RARRES1: variants seen among roughly 807,000 people sequenced by gnomAD.
RARRES1 encodes retinoic acid receptor responder 1.
A neutral mutation model predicts 30.6 loss-of-function variants in RARRES1; 34 were observed. That is an observed-to-expected ratio of 1.11 (90% confidence interval 0.84 to 1.48). The LOEUF is 1.48. Among genes scored for constraint, RARRES1 ranks in the 40% most tolerant of loss-of-function variants. RARRES1 has a pLI of 0.00. For missense variants in RARRES1, 373 were observed against 386.5 expected, an observed-to-expected ratio of 0.97 and a Z score of 0.29; for synonymous variants, 153 against 155.5, an observed-to-expected ratio of 0.98 and a Z score of 0.12.
chr3:158,731,973 A>T (rs1727904205), intron 1 of RARRES1, among the ~76,000 whole-genome samples, 167 bp downstream of exon 1: 2 of 152,142 alleles, frequency 1.3e-5, no homozygotes, highest in Non-Finnish European at 2.9e-5. Flanking sequence ...GCCCTGGGAT[A>T]CTTCAGGGGC....
chr3:158,717,930 A>G (rs917897910), intron 1 of RARRES1, among the ~76,000 whole-genome samples: 1 of 152,106 alleles, frequency 6.6e-6, no homozygotes, highest in Non-Finnish European at 1.5e-5. Context: ...AAAAATAAGC[A>G]GGTAATTCAA....
chr3:158,713,075 C>T (rs1361332115), intron 2 of RARRES1, among the ~76,000 whole-genome samples: 2 of 152,072 alleles, frequency 1.3e-5, no homozygotes, highest in Non-Finnish European at 1.5e-5. Flanking sequence ...CTTCAACTCC[C>T]GAAACTCTGC....
intron 1 of RARRES1, among the ~76,000 whole-genome samples, chr3:158,719,168 C>G (rs1275580986): frequency 1.3e-5 from 2 of 151,976 alleles, no homozygotes; most frequent in African/African-American, 4.8e-5. Context: ...TAGCTCTTCA[C>G]TGTAGATTTT....
chr3:158,699,317 T>C (rs1312056668), intron 4 of RARRES1, among the ~76,000 whole-genome samples: 1 of 152,162 alleles, frequency 6.6e-6, no homozygotes, highest in African/African-American at 2.4e-5. Context: ...AAAGTCACTT[T>C]CTTCGTACCA....
chr3:158,719,857 A>G (rs976389643), intron 1 of RARRES1, among the ~76,000 whole-genome samples: 1 of 152,180 alleles, frequency 6.6e-6, no homozygotes, highest in African/African-American at 2.4e-5. Flanking sequence ...GTTTTGGTAA[A>G]TGATCCTCAA....
intron 1 of RARRES1, among the ~76,000 whole-genome samples, chr3:158,728,772 C>G (rs148190289): frequency 0.012 from 1,773 of 152,150 alleles, 37 homozygotes; most frequent in African/African-American, 0.041. Flanking sequence ...GATCTGCTTG[C>G]CTCAACCTCC....
intron 2 of RARRES1, among the ~76,000 whole-genome samples, chr3:158,712,622 G>A (rs1289563796): frequency 6.7e-6 from 1 of 150,160 alleles, no homozygotes; most frequent in African/African-American, 2.5e-5. Flanking sequence ...AGGGCAGAAG[G>A]AACCTAGTAC....
intron 1 of RARRES1, among the ~76,000 whole-genome samples, chr3:158,718,680 G>A (rs1727402928): frequency 6.6e-6 from 1 of 152,160 alleles, no homozygotes; most frequent in South Asian, 2.1e-4. Flanking sequence ...GGAGGTCTGT[G>A]AAGAAACTGA....
intron 1 of RARRES1, among the ~76,000 whole-genome samples, chr3:158,730,371 CCTTCCTTCCT>C (rs1559876988): frequency 0.023 from 1,236 of 53,670 alleles, 39 homozygotes; most frequent in African/African-American, 0.089. Flanking sequence ...GTTGCTCCTT[CCTTCCTTCCT>C]TCCTTCCTTC....
At chr3:158,728,196 T>C (rs1727750229) in intron 1 of RARRES1, among the ~76,000 whole-genome samples, 1 of 148,888 alleles carries the variant, frequency 6.7e-6, no homozygotes, top group Admixed American at 6.7e-5. Context: ...GTTTGTAGTC[T>C]ATACTATTTC....
Position 158,730,434 on chromosome 3 carries a change from C to CT in RARRES1, c.276+1705dup, listed in dbSNP as rs937447236. Among the ~76,000 whole-genome samples the CT allele has an allele frequency of 2.3e-5, 3 of 132,818 alleles. No individual in the cohort carries two copies. In the Admixed American group the frequency reaches 2.3e-4, roughly 10 times the overall value. The allele number at this position is 132,818 out of a possible 152,430, so 87.1% of individuals were successfully genotyped here. A position where few individuals can be genotyped will look rare whatever the true frequency, so the allele number is the denominator to read the frequency against. ...TTCCTTCCTCTCTCTCTTTCTCTCTCTTTTTTTTCCCCATAGGGTCTCACT... is the reference window on the plus strand; with the variant it reads ...TTCCTTCCTCTCTCTCTTTCTCTCTCTTTTTTTTTCCCCATAGGGTCTCACT... On this transcript the variant is annotated intron_variant, in intron 1 of 5. Transcript: ENST00000237696.
At chr3:158,699,404 A>T (rs375100963) in intron 4 of RARRES1, among the ~76,000 whole-genome samples, 1 of 151,116 alleles carries the variant, frequency 6.6e-6, no homozygotes, top group Non-Finnish European at 1.5e-5. Flanking sequence ...CCAGGTTTCT[A>T]TTAAGAATAC....
intron 1 of RARRES1, among the ~76,000 whole-genome samples, chr3:158,717,402 G>A (rs932699579): frequency 3.3e-5 from 5 of 152,198 alleles, no homozygotes; most frequent in African/African-American, 1.2e-4. Context: ...CTAGAGAATT[G>A]GTCTAGTCTA....
chr3:158,701,798 G>T (rs1459908737), intron 4 of RARRES1, among the ~76,000 whole-genome samples: 1 of 152,168 alleles, frequency 6.6e-6, no homozygotes, highest in African/African-American at 2.4e-5. Flanking sequence ...TGAAATGCGT[G>T]TCAGCCTTGA....
chr3:158,712,799 A>G (rs1023600767), intron 2 of RARRES1, among the ~76,000 whole-genome samples: 7 of 152,244 alleles, frequency 4.6e-5, no homozygotes, highest in African/African-American at 7.2e-5. Flanking sequence ...GAAGGTTTCA[A>G]TTAGCTCACT....
chr3:158,716,249 AAGT>A (rs1727318311), intron 1 of RARRES1, among the ~76,000 whole-genome samples: 1 of 152,168 alleles, frequency 6.6e-6, no homozygotes, highest in South Asian at 2.1e-4. Flanking sequence ...AGGGTTATAG[AAGT>A]AGGATCAGCA....
In RARRES1 at chr3:158,732,440, C is replaced by T. The variant is rs749793759; in HGVS notation, c.-25G>A. The T allele has an allele frequency of 1.1e-5, 17 of 1,517,286 alleles. 1 individual carries two copies. In the South Asian group the frequency reaches 1.3e-4, roughly 12 times the overall value. The allele number at this position is 1,517,286 out of a possible 1,614,324, so 94.0% of individuals were successfully genotyped here. On this transcript the variant is annotated 5_prime_UTR_variant, in exon 1 of 6. In the 5' UTR this introduces an upstream ATG that the reference lacks. Coordinates refer to ENST00000237696, the MANE Select transcript of RARRES1 (RefSeq NM_206963.2). ...TGGACGCAGGAAAGTTGGCTCGGCACCCGACAGACACGGGCTCGGAGCGGG... is the reference window on the plus strand; with the variant it reads ...TGGACGCAGGAAAGTTGGCTCGGCATCCGACAGACACGGGCTCGGAGCGGG...
chr3:158,699,443 C>CG (rs1265712830), intron 4 of RARRES1, among the ~76,000 whole-genome samples: 1 of 150,794 alleles, frequency 6.6e-6, no homozygotes, highest in Non-Finnish European at 1.5e-5. Flanking sequence ...AACCCCCCCC[C>CG]CACCAAAAAA....
At chr3:158,728,030 G>A (rs1002934705) in intron 1 of RARRES1, among the ~76,000 whole-genome samples, 1 of 152,176 alleles carries the variant, frequency 6.6e-6, no homozygotes, top group Non-Finnish European at 1.5e-5. Context: ...GCGAGAAGAG[G>A]TCTTAAACAT....
Sources: gnomAD v4.1 joint callset for allele counts (sites outside exome capture counted in the v4.1 genomes callset) on GRCh38, gnomAD v4.1.1 for gene constraint, MANE v1.5 for transcripts, NCBI Gene and HGNC (gene_info 2026-07-23, HGNC 2026-07-21) for gene names.